CDC14B: variants seen among roughly 807,000 people sequenced by gnomAD.
CDC14B encodes cell division cycle 14B, also known as dual specificity protein phosphatase CDC14B.
Under a neutral mutation model 64.2 loss-of-function variants are expected in CDC14B, and 22 were observed. The observed-to-expected ratio is 0.34, with a 90% CI of 0.24 to 0.49. The LOEUF is 0.49. Among genes scored for constraint, CDC14B ranks in the 20% least tolerant of loss-of-function variants. The pLI is 0.99. For missense variants in CDC14B, 498 were observed against 629.9 expected, an observed-to-expected ratio of 0.79 and a Z score of 2.24; for synonymous variants, 191 against 215.8, an observed-to-expected ratio of 0.89 and a Z score of 1.01.
intron 1 of CDC14B, among the ~76,000 whole-genome samples, chr9:96,617,174 G>A (rs922676814): frequency 3.3e-5 from 5 of 151,542 alleles, no homozygotes; most frequent in East Asian, 3.9e-4. Context: ...CTTCCGCAGC[G>A]TGGAAGGGGA....
At chr9:96,508,556 A>G (rs1049379701) in intron 13 of CDC14B, among the ~76,000 whole-genome samples, 2 of 152,258 alleles carry the variant, frequency 1.3e-5, no homozygotes, top group Admixed American at 1.3e-4. Context: ...AATATTTGGT[A>G]CATTTCTAAT....
chr9:96,585,735 A>G (rs941593277), intron 1 of CDC14B, among the ~76,000 whole-genome samples: 1 of 152,236 alleles, frequency 6.6e-6, no homozygotes, highest in African/African-American at 2.4e-5. Flanking sequence ...GGCTTTCCCT[A>G]TGACCCAGAC....
At chr9:96,581,898 T>G (rs1043247471) in intron 1 of CDC14B, among the ~76,000 whole-genome samples, 13 of 152,206 alleles carry the variant, frequency 8.5e-5, no homozygotes, top group Non-Finnish European at 2.9e-5. Context: ...TGCTCTGAAA[T>G]GGAAAGATGC....
rs1833683900 is a variant in CDC14B, at chr9:96,502,886, G to C, written c.*867C>G. The C allele has an allele frequency of 2.5e-6, 1 of 398,438 alleles. No homozygotes were observed. The highest frequency in any genetic ancestry group is 4.4e-6 in the Non-Finnish European group (1 of 226,018). The allele number at this position is 398,438 out of a possible 1,614,324, so 24.7% of individuals were successfully genotyped here. A position where few individuals can be genotyped will look rare whatever the true frequency, so the allele number is the denominator to read the frequency against. On this transcript the variant is annotated 3_prime_UTR_variant, in exon 14 of 14. Coordinates refer to ENST00000375241, the MANE Select transcript of CDC14B (RefSeq NM_033331.4). The stretch of plus-strand genomic sequence containing the variant: ...TTTTTTGTAAGCCGACATTATTTGG[G>C]ATTGCTGTTTCCAAGGGGAAAAACC...
At chr9:96,567,821 C>T (rs1001675179) in intron 1 of CDC14B, among the ~76,000 whole-genome samples, 2 of 152,044 alleles carry the variant, frequency 1.3e-5, no homozygotes, top group South Asian at 2.1e-4. Context: ...AGAGTACAAC[C>T]GGAGTGTCTG....
At chr9:96,558,720 G>A (rs180738974) in intron 4 of CDC14B, among the ~76,000 whole-genome samples, 57 of 152,228 alleles carry the variant, frequency 3.7e-4, no homozygotes, top group African/African-American at 1.3e-3. Flanking sequence ...CCTTTACTTT[G>A]AAATGACAGG....
intron 1 of CDC14B, chr9:96,566,753 G>A (rs1465790452): frequency 4.4e-6 from 7 of 1,600,862 alleles, no homozygotes; most frequent in Non-Finnish European, 6.0e-6. Flanking sequence ...GGAAGCCCCC[G>A]CCCTCCCGGC....
intron 1 of CDC14B, among the ~76,000 whole-genome samples, chr9:96,594,436 G>T (rs577321824): frequency 1.3e-5 from 2 of 151,966 alleles, no homozygotes; most frequent in African/African-American, 4.8e-5. Flanking sequence ...CCAGGAGAGG[G>T]TGGCCGCAGT....
At chr9:96,535,334 A>G (rs1839136213) in intron 7 of CDC14B, among the ~76,000 whole-genome samples, 1 of 152,138 alleles carries the variant, frequency 6.6e-6, no homozygotes, top group Admixed American at 6.5e-5. Context: ...AAAAATAAAT[A>G]AATAAATGCA....
intron 1 of CDC14B, among the ~76,000 whole-genome samples, chr9:96,607,091 AC>A (rs1197772605): frequency 6.6e-6 from 1 of 151,974 alleles, no homozygotes; most frequent in Non-Finnish European, 1.5e-5. Context: ...ATTAAAAAAA[AC>A]AAAAAAAAAT....
chr9:96,522,422 G>C (rs1836873640), intron 12 of CDC14B, 84 bp downstream of exon 12: 6 of 916,610 alleles, frequency 6.5e-6, no homozygotes, highest in Non-Finnish European at 9.1e-6. Flanking sequence ...CAACTATGGA[G>C]AAAAATGTAC....
At chr9:96,509,251 G>C (rs1280777392) in intron 13 of CDC14B, among the ~76,000 whole-genome samples, 1 of 152,186 alleles carries the variant, frequency 6.6e-6, no homozygotes, top group Non-Finnish European at 1.5e-5. Context: ...GTGGCCAAGA[G>C]GACAAAGAGT....
rs1373257934 is a variant in CDC14B, at chr9:96,564,361, GA to G, written c.327+415del. Among the ~76,000 whole-genome samples, 11 of 152,308 alleles carry G rather than the reference GA, an allele frequency of 7.2e-5. No individual in the cohort carries two copies. In the South Asian group the frequency reaches 1.9e-3, roughly 26 times the overall value. On this transcript the variant is annotated intron_variant, in intron 3 of 13. Transcript: ENST00000375241. The stretch of plus-strand genomic sequence containing the variant: ...ATCATGGGAGTTTCAAAATAGGAGA[GA>G]AAGTAAGATGAGTCCAGCTTTCTTG...
chr9:96,589,399 T>C (rs139977958), intron 1 of CDC14B, among the ~76,000 whole-genome samples: 96 of 152,244 alleles, frequency 6.3e-4, no homozygotes, highest in African/African-American at 2.1e-3. Context: ...TGAATGAATA[T>C]GCAAGAATTC....
intron 1 of CDC14B, among the ~76,000 whole-genome samples, chr9:96,610,583 A>T (rs1847248112): frequency 1.3e-5 from 2 of 152,080 alleles, no homozygotes; most frequent in South Asian, 4.1e-4. Context: ...CTCTTGCCAA[A>T]TTCAGTAAAT....
In CDC14B at chr9:96,513,962, TCAC is replaced by T. The variant is rs376309746; in HGVS notation, c.1344-4176_1344-4174del. Among the ~76,000 whole-genome samples the T allele has an allele frequency of 2.5e-4, 38 of 152,198 alleles. No homozygotes were observed. In the East Asian group the frequency reaches 6.2e-3, roughly 25 times the overall value. ...GACAGAGGATGGTGGAGCTCAGGAG[TCAC>T]CACCTTACAAATAAAACCCTTTTGA... is the stretch of plus-strand genomic sequence containing the variant. On this transcript the variant is annotated intron_variant, in intron 12 of 13. Transcript: ENST00000375241.
chr9:96,619,262 C>T lies in CDC14B; in HGVS notation c.117G>A (p.Pro39=), dbSNP rs1231897554. Residue 39 remains proline, a synonymous_variant, in exon 1 of 14, where the codon CCG becomes CCA. Transcript: ENST00000375241. ...KKIRSSTQQD[P]RRRDPQDDVY... ...CGTCGTCCTGGGGGTCCCGGCGGCG[C>T]GGGTCTTGCTGCGTGGAGCTGCGGA... 2.3e-5 allele frequency: 31 copies of T among 1,364,018 alleles called. No homozygotes were observed. The highest frequency in any genetic ancestry group is 2.8e-5 in the Non-Finnish European group (30 of 1,052,856). 84.5% of individuals were successfully genotyped at this position (1,364,018 alleles called of 1,614,324 possible). A position where few individuals can be genotyped will look rare whatever the true frequency, so the allele number is the denominator to read the frequency against.
intron 1 of CDC14B, among the ~76,000 whole-genome samples, chr9:96,605,575 G>A (rs1388485242): frequency 6.6e-6 from 1 of 152,154 alleles, no homozygotes; most frequent in Non-Finnish European, 1.5e-5. Flanking sequence ...CCACTCCCCT[G>A]TGAGTGCTTC....
At chr9:96,565,725 T>C (rs1341986273) in intron 1 of CDC14B, among the ~76,000 whole-genome samples, 1 of 152,234 alleles carries the variant, frequency 6.6e-6, no homozygotes, top group Non-Finnish European at 1.5e-5. Flanking sequence ...ATTTTTCATG[T>C]AGTGATATGA....
Sources: allele counts gnomAD v4.1 joint callset (sites outside exome capture counted in the v4.1 genomes callset), GRCh38; gene constraint gnomAD v4.1.1; transcripts MANE v1.5; gene names NCBI Gene and HGNC (gene_info 2026-07-23, HGNC 2026-07-21).